Variants in IGFN1 observed in about 807,000 individuals in gnomAD.
The protein encoded by IGFN1 is immunoglobulin-like and fibronectin type III domain-containing protein 1.
In IGFN1, 253 loss-of-function variants were observed where a neutral mutation model predicts 289.5. That is an observed-to-expected ratio of 0.87 (90% CI 0.79 to 0.97). The LOEUF (loss-of-function observed/expected upper bound fraction) is 0.97. Ranked by LOEUF, IGFN1 falls within the 50% of genes least tolerant of loss-of-function variation. IGFN1 has a pLI of 0.00. For synonymous variants in IGFN1, 1,706 were observed against 1,788.5 expected, an observed-to-expected ratio of 0.95 and a Z score of 1.16; for missense variants, 4,470 against 4,686.1, an observed-to-expected ratio of 0.95 and a Z score of 1.35.
At chr1:201,226,268 C>T in intron 22 of IGFN1, 145 bp downstream of exon 22, 7 of 934,764 alleles carry the variant, frequency 7.5e-6, no homozygotes, top group Non-Finnish European at 9.0e-6. Context: ...CCAGCAGCCC[C>T]GAGCTGCTGC....
chr1:201,194,970 G>A (rs1489008689), intron 3 of IGFN1, among the ~76,000 whole-genome samples: 1 of 152,138 alleles, frequency 6.6e-6, no homozygotes, highest in Admixed American at 6.5e-5. Flanking sequence ...GAGGCTGAGG[G>A]ATTCCTTGAG....
intron 5 of IGFN1, among the ~76,000 whole-genome samples, chr1:201,197,863 A>G (rs1386247435): frequency 1.3e-5 from 2 of 152,242 alleles, no homozygotes; most frequent in East Asian, 3.9e-4. Flanking sequence ...TCTGCCTGCA[A>G]CTAACAGAAA....
chr1:201,212,984 A>C lies in IGFN1; in HGVS notation c.8091A>C (p.Ser2697=). ...CATGGTCCCTGGATAGCAAAGGTTC[A>C]AGTCCTGGAAGGGGCAGTTCTGTTG... ...RSPWSLDSKG[S]SPGRGSSVDA... The change falls in exon 12 of 24, where the codon TCA becomes TCC. Residue 2697 remains serine (S), a synonymous_variant. Transcript: ENST00000335211. The C allele has an allele frequency of 6.4e-7, 1 of 1,551,534 alleles. No homozygotes were observed. The highest frequency in any genetic ancestry group is 8.7e-7 in the Non-Finnish European group (1 of 1,146,960).
rs1448120646 is a variant in IGFN1 at position 201,221,510 on chromosome 1, G to T, written c.9965G>T (p.Trp3322Leu). 1 of 1,613,754 alleles carries T rather than the reference G, an allele frequency of 6.2e-7. No homozygotes were observed. Among genetic ancestry groups the T allele is most frequent in the Non-Finnish European group, 8.5e-7 (1 of 1,179,898 alleles). The part of the protein sequence containing the change: ...DRSNTSITLS[W>L]AGPDTQEGDE... ...TCGAACACCAGCATCACTCTGAGCTGGGCTGGGCCAGACACCCAGGAAGGG... is the reference window on the plus strand; with the variant it reads ...TCGAACACCAGCATCACTCTGAGCTTGGCTGGGCCAGACACCCAGGAAGGG... The change falls in exon 19 of 24, where the codon TGG becomes TTG. Residue 3322 changes from tryptophan (W) to leucine (L), a missense_variant. This residue lies in a region of IGFN1 where 2,218 missense variants were observed against 2,114.1 expected (regional missense o/e 1.05). Transcript: ENST00000335211.
chr1:201,216,385 G>A (rs1184568251), intron 15 of IGFN1, 69 bp from the exon 16 acceptor site: 139 of 1,313,676 alleles, frequency 1.1e-4, no homozygotes, highest in Non-Finnish European at 1.4e-4. Context: ...GGGAGTTGGG[G>A]GGGTTGGCGC....
chr1:201,227,042 G>C lies in IGFN1; in HGVS notation c.10947G>C (p.Lys3649Asn). 6.2e-7 allele frequency: 1 copy of C among 1,613,668 alleles called. No individual in the cohort carries two copies. The highest frequency in any genetic ancestry group is 8.5e-7 in the Non-Finnish European group (1 of 1,180,042). Residue 3649 changes from lysine (K) to asparagine (N), a missense_variant, in exon 23 of 24, where the codon AAG becomes AAC. By Grantham distance (94) the Lys-to-Asn change is moderately conservative (BLOSUM62 0). Around this residue, in one of 8 missense-constraint regions of IGFN1, gnomAD observed 2,218 missense variants for 2,114.1 expected, o/e 1.05. Transcript: ENST00000335211. ...CCCGGCCCCACGTCACCTGGTTCAA[G>C]AATGACCGCAGCCTGGAAGGAAACC... ...GSPRPHVTWF[K>N]NDRSLEGNPA... is the part of the protein sequence containing the mutation.
At chr1:201,205,610 G>A (rs1667378858) in intron 11 of IGFN1, among the ~76,000 whole-genome samples, 1 of 152,200 alleles carries the variant, frequency 6.6e-6, no homozygotes, top group Admixed American at 6.5e-5. Flanking sequence ...TTGGGACAGT[G>A]GCCCAGGTTC....
chr1:201,226,641 C>T (rs940275764), intron 22 of IGFN1, among the ~76,000 whole-genome samples: 60 of 152,200 alleles, frequency 3.9e-4, no homozygotes, highest in South Asian at 1.2e-3. Context: ...TCCTTTGATT[C>T]TCTGTGTATT....
At chr1:201,200,207 G>A (rs1260822133) in intron 7 of IGFN1, 30 bp from the exon 8 acceptor site, 2 of 1,539,112 alleles carry the variant, frequency 1.3e-6, no homozygotes, top group Non-Finnish European at 1.8e-6. Context: ...GGATTCCTCT[G>A]GCCTCTGACC....
rs370712454 is a variant in IGFN1, at chr1:201,227,139, G to A, written c.11044G>A (p.Gly3682Arg). 52 of 1,613,156 alleles carry A rather than the reference G, an allele frequency of 3.2e-5. No individual in the cohort carries two copies. The highest frequency in any genetic ancestry group is 1.7e-4 in the African/African-American group (13 of 74,936). ...TIPSVSPKDS[G>R]EYKAVAENTL... ...CCCCAGCGTATCCCCGAAGGACAGCGGGGAGTACAAGGCTGTGGCTGAGAA... is the reference window on the plus strand; with the variant it reads ...CCCCAGCGTATCCCCGAAGGACAGCAGGGAGTACAAGGCTGTGGCTGAGAA... The change falls in exon 23 of 24, where the codon GGG becomes AGG. Residue 3682 changes from glycine (G) to arginine (R), a missense_variant. Gly to Arg is a moderately radical substitution (Grantham distance 125, BLOSUM62 -2). Coordinates refer to ENST00000335211, the MANE Select transcript of IGFN1 (RefSeq NM_001164586.2).
chr1:201,205,422 A>G, intron 11 of IGFN1, 68 bp downstream of exon 11: 1 of 1,424,382 alleles, frequency 7.0e-7, no homozygotes, highest in South Asian at 1.4e-5. Context: ...AGGCATGAGG[A>G]AGGCGAGGCA....
intron 20 of IGFN1, among the ~76,000 whole-genome samples, chr1:201,224,089 C>T (rs575679813): frequency 7.2e-5 from 11 of 152,312 alleles, no homozygotes; most frequent in Admixed American, 3.3e-4. Context: ...TGGTGCCCAC[C>T]GTGCCCTGTA....
At chr1:201,220,192 C>G (rs1347954860) in intron 18 of IGFN1, among the ~76,000 whole-genome samples, 1 of 148,678 alleles carries the variant, frequency 6.7e-6, no homozygotes, top group Non-Finnish European at 1.5e-5. Flanking sequence ...TTCTCTCTCT[C>G]TCTCTCTCTC....
chr1:201,228,243 G>A (rs889275913), intron 23 of IGFN1, 143 bp from the exon 24 acceptor site: 22 of 841,586 alleles, frequency 2.6e-5, no homozygotes, highest in African/African-American at 3.3e-5. Context: ...TAGAGAGCAC[G>A]TGGTGGCTCC....
Position 201,212,896 on chromosome 1 carries a change from CA to C in IGFN1, c.8004del (p.Gly2670AlafsTer72). On this transcript the variant is annotated frameshift_variant, in exon 12 of 24. Transcript: ENST00000335211. LOFTEE classifies it high-confidence loss of function. Reference protein sequence around the residue: ...DAAFGGTHEGPGGFKGGEGAP... With the variant: ...DAAFGGTHEGXGGFKGGEGAP... ...GCTTTTGGTGGGACCCATGAAGGGC[CA>C]GGGGGCTTTAAGGGTGGGGAGGGTG... The C allele has an allele frequency of 1.3e-6, 2 of 1,551,316 alleles. No individual in the cohort carries two copies. Among genetic ancestry groups the C allele is most frequent in the South Asian group, 1.2e-5 (1 of 84,056 alleles).
chr1:201,204,128 A>G (rs1486312730), intron 10 of IGFN1, among the ~76,000 whole-genome samples: 1 of 152,160 alleles, frequency 6.6e-6, no homozygotes, highest in East Asian at 1.9e-4. Context: ...GTTCTACTGA[A>G]TTACTGTCAC....
At chr1:201,193,115 T>A in intron 1 of IGFN1, 132 bp from the exon 2 acceptor site, 1 of 599,974 alleles carries the variant, frequency 1.7e-6, no homozygotes. Context: ...CATTAGTGGG[T>A]TAGAAAAGCT....
chr1:201,195,161 TC>T (rs1181086985), intron 3 of IGFN1, among the ~76,000 whole-genome samples: 65 of 149,112 alleles, frequency 4.4e-4, no homozygotes, highest in African/African-American at 1.4e-3. Flanking sequence ...TTTTTTTTTT[TC>T]TTTTTTTGAG....
In IGFN1 at chr1:201,211,945, G is replaced by T; in HGVS notation, c.7052G>T (p.Gly2351Val). The T allele has an allele frequency of 6.5e-7, 1 of 1,529,772 alleles. No homozygotes were observed. Among genetic ancestry groups the T allele is most frequent in the Non-Finnish European group, 8.7e-7 (1 of 1,142,960 alleles). The allele number at this position is 1,529,772 out of a possible 1,614,324, so 94.8% of individuals were successfully genotyped here. Reference protein sequence around the residue: ...RGGSGGSGETGPEGKMGYGDG... With the variant: ...RGGSGGSGETVPEGKMGYGDG... ...GGCTCAGGAGGATCTGGGGAAACGG[G>T]ACCAGAGGGTAAGATGGGTTATGGA... is the stretch of plus-strand genomic sequence containing the variant. The change falls in exon 12 of 24, where the codon GGA becomes GTA. Residue 2351 changes from glycine to valine, a missense_variant. By Grantham distance (109) the Gly-to-Val change is moderately radical. This residue lies in a region of IGFN1 where 2,218 missense variants were observed against 2,114.1 expected (regional missense o/e 1.05). Transcript: ENST00000335211.
Sources: allele counts gnomAD v4.1 joint callset (sites outside exome capture counted in the v4.1 genomes callset), GRCh38; gene constraint gnomAD v4.1.1; regional missense constraint gnomAD v4.1.1; transcripts MANE v1.5; gene names NCBI Gene and HGNC (gene_info 2026-07-23, HGNC 2026-07-21).